Variants in KDM4B observed in about 807,000 individuals in gnomAD.
KDM4B encodes lysine demethylase 4B.
A neutral mutation model predicts 125.2 loss-of-function variants in KDM4B; 32 were observed. The ratio of observed to expected loss-of-function variants is 0.26; its 90% confidence interval spans 0.19 to 0.34. The LOEUF (loss-of-function observed/expected upper bound fraction) is 0.34, where lower values mean the gene tolerates loss of function less well. Among genes scored for constraint, KDM4B ranks in the 10% least tolerant of loss-of-function variants. The pLI is 1.00. For missense variants in KDM4B, 1,190 were observed against 1,577.7 expected, an observed-to-expected ratio of 0.75 and a Z score of 4.16; for synonymous variants, 721 against 677.9, an observed-to-expected ratio of 1.06 and a Z score of -0.99.
intron 21 of KDM4B, among the ~76,000 whole-genome samples, chr19:5,145,829 G>T (rs1430480351): frequency 6.6e-6 from 1 of 152,178 alleles, no homozygotes; most frequent in Admixed American, 6.5e-5. Context: ...GGGTCAGTCG[G>T]TGACGTCCTG....
At chr19:5,133,833 GT>G (rs1408373119) in intron 13 of KDM4B, 49 bp from the exon 14 acceptor site, 2 of 1,596,856 alleles carry the variant, frequency 1.3e-6, no homozygotes, top group Non-Finnish European at 8.6e-7. Context: ...CCTTGGACGA[GT>G]TTTTAGGGGG....
At chr19:5,138,341 T>C (rs2039685111) in intron 18 of KDM4B, 2 of 492,704 alleles carry the variant, frequency 4.1e-6, no homozygotes, top group South Asian at 4.6e-5. Context: ...GGGGGCATCC[T>C]CTGCAGAATC....
In KDM4B at chr19:4,984,429, G is replaced by A. The variant is rs2034756565; in HGVS notation, c.-109+15199G>A. On this transcript the variant is annotated intron_variant, in intron 1 of 22. Coordinates refer to ENST00000159111, the MANE Select transcript of KDM4B (RefSeq NM_015015.3). ...CAACTTGAAAATAATAGTTTTTGCG[G>A]CCTCTTTATTATAATGGGGCAGCCA... 5.3e-5 allele frequency among the ~76,000 whole-genome samples: 8 copies of A among 152,276 alleles called. No homozygotes were observed. In the South Asian group the frequency reaches 1.7e-3, roughly 32 times the overall value.
chr19:5,130,098 G>A (rs534647514), intron 11 of KDM4B, among the ~76,000 whole-genome samples: 59 of 152,206 alleles, frequency 3.9e-4, no homozygotes, highest in Admixed American at 2.4e-3. Flanking sequence ...CAGGCACAGC[G>A]CAGCCTCTTC....
At chr19:5,012,708 A>T (rs928091808) in intron 1 of KDM4B, among the ~76,000 whole-genome samples, 1 of 152,172 alleles carries the variant, frequency 6.6e-6, no homozygotes, top group African/African-American at 2.4e-5. Flanking sequence ...TTCAGAGGTA[A>T]GGGCTCTTCT....
rs1330112356 is a variant in KDM4B, at chr19:5,142,987, G to A, written c.2551-980G>A. The stretch of plus-strand genomic sequence containing the variant: ...AAGGGATGAAAGGTGGCTCTCCGGT[G>A]CTCCCTCCTCACCAAGGAGGCTTCT... On this transcript the variant is annotated intron_variant, in intron 18 of 22. Coordinates refer to ENST00000159111, the MANE Select transcript of KDM4B (RefSeq NM_015015.3). This position sits in a 1 kb window ranked among gnomAD's most constrained non-coding sequence, Gnocchi z 5.4. Among the ~76,000 whole-genome samples the A allele has an allele frequency of 6.6e-6, 1 of 152,022 alleles. No individual in the cohort carries two copies. The highest frequency in any genetic ancestry group is 6.5e-5 in the Admixed American group (1 of 15,280).
rs202188829 is a variant in KDM4B at position 5,009,738 on chromosome 19, C to CT, written c.-108-6508dup. Among the ~76,000 whole-genome samples, 794 of 147,426 alleles carry CT rather than the reference C, an allele frequency of 5.4e-3. 20 individuals are homozygous for CT. Among genetic ancestry groups the CT allele is most frequent in the Admixed American group, 0.032 (472 of 14,780 alleles). ...CATGCAATTTACTCAACTATAGATTCTTTTTTTTTTTGAGTCAGAGCCTTG... is the reference window on the plus strand; with the variant it reads ...CATGCAATTTACTCAACTATAGATTCTTTTTTTTTTTTGAGTCAGAGCCTTG... On this transcript the variant is annotated intron_variant, in intron 1 of 22. Transcript: ENST00000159111.
At chr19:5,140,733 T>C (rs900587557) in intron 18 of KDM4B, 2 of 140,688 alleles carry the variant, frequency 1.4e-5, no homozygotes, top group African/African-American at 2.7e-5. Context: ...AGACTCTGTC[T>C]CAAAAAAAAA....
intron 21 of KDM4B, among the ~76,000 whole-genome samples, chr19:5,146,475 C>A (rs1050033662): frequency 6.6e-6 from 1 of 152,252 alleles, no homozygotes; most frequent in Non-Finnish European, 1.5e-5. Flanking sequence ...CAGCTCCAGC[C>A]TTCCCTGGGG....
chr19:5,095,822 G>A (rs1034585394), intron 9 of KDM4B, among the ~76,000 whole-genome samples: 1 of 152,338 alleles, frequency 6.6e-6, no homozygotes. Context: ...GCAGCTGCAG[G>A]CTTGAGTGTG....
intron 2 of KDM4B, among the ~76,000 whole-genome samples, chr19:5,022,368 C>T (rs1260409151): frequency 3.3e-5 from 5 of 152,164 alleles, no homozygotes; most frequent in African/African-American, 4.8e-5. Flanking sequence ...ACAGGACCTC[C>T]GCCCGAGGGC....
intron 9 of KDM4B, among the ~76,000 whole-genome samples, chr19:5,109,037 C>G (rs909808441): frequency 1.3e-5 from 2 of 152,236 alleles, no homozygotes; most frequent in Non-Finnish European, 2.9e-5. Context: ...CAACTCTGTC[C>G]CTGGCCTCTG....
chr19:5,134,150 C>T, intron 14 of KDM4B, 89 bp downstream of exon 14: 1 of 1,269,782 alleles, frequency 7.9e-7, no homozygotes, highest in Non-Finnish European at 1.1e-6. Context: ...ACGCCTCCCT[C>T]TCTCACGCAG....
At chr19:5,057,026 A>ATGTGTGTGTGTGTG (rs1404957430) in intron 6 of KDM4B, among the ~76,000 whole-genome samples, 7 of 124,894 alleles carry the variant, frequency 5.6e-5, no homozygotes, top group African/African-American at 2.5e-4. Context: ...CCAGATATAT[A>ATGTGTGTGTGTGTG]TGCGTGTGTG....
chr19:5,110,524 G>A, intron 9 of KDM4B, 98 bp from the exon 10 acceptor site: 5 of 1,146,410 alleles, frequency 4.4e-6, no homozygotes, highest in Non-Finnish European at 6.5e-6. Flanking sequence ...TGGGGTGTGG[G>A]AGGCCCGGGC....
At chr19:5,031,749 C>T (rs989143718) in intron 2 of KDM4B, among the ~76,000 whole-genome samples, 42 of 152,180 alleles carry the variant, frequency 2.8e-4, no homozygotes, top group Admixed American at 5.9e-4. Context: ...GCCTCCCTGC[C>T]GTCCTGCTCA....
chr19:5,040,612 C>G (rs1206495445), intron 4 of KDM4B, among the ~76,000 whole-genome samples: 1 of 152,158 alleles, frequency 6.6e-6, no homozygotes, highest in Non-Finnish European at 1.5e-5. Flanking sequence ...CTCCCTGGTT[C>G]AGCAGGCACA....
chr19:5,035,627 C>T lies in KDM4B; in HGVS notation c.141+2596C>T, dbSNP rs1219989615. ...TGTCGCTGCTTCAGGTTTCTGCACT[C>T]CCCCCAGGCCAGTTCCCCCGAGATT... On this transcript the variant is annotated intron_variant, in intron 3 of 22. Coordinates refer to ENST00000159111, the MANE Select transcript of KDM4B (RefSeq NM_015015.3). The surrounding 1 kb of genome is among the most constrained non-coding windows in gnomAD (Gnocchi z 5.3). Among the ~76,000 whole-genome samples the T allele has an allele frequency of 6.6e-6, 1 of 152,078 alleles. No individual in the cohort carries two copies. Among genetic ancestry groups the T allele is most frequent in the East Asian group, 1.9e-4 (1 of 5,176 alleles).
intron 13 of KDM4B, among the ~76,000 whole-genome samples, chr19:5,132,635 G>T (rs1490628785): frequency 1.3e-5 from 2 of 152,216 alleles, no homozygotes; most frequent in Non-Finnish European, 2.9e-5. Context: ...ATGACCAGGG[G>T]CCCCCGCGGG....
Sources: gnomAD v4.1 joint callset for allele counts (sites outside exome capture counted in the v4.1 genomes callset) on GRCh38, gnomAD v4.1.1 for gene constraint, Gnocchi (gnomAD v3.1) non-coding constraint, MANE v1.5 for transcripts, NCBI Gene and HGNC (gene_info 2026-07-23, HGNC 2026-07-21) for gene names.